ACAP2: variants seen among roughly 807,000 people sequenced by gnomAD.
ACAP2 encodes arf-GAP with coiled-coil, ANK repeat and PH domain-containing protein 2.
In ACAP2, 39 loss-of-function variants were observed where a neutral mutation model predicts 115.8. The ratio of observed to expected loss-of-function variants is 0.34; its 90% CI spans 0.26 to 0.44. The LOEUF is 0.44. Among genes scored for constraint, ACAP2 ranks in the 20% least tolerant of loss-of-function variants. The probability of loss-of-function intolerance (pLI) is 1.00; values close to 1 mark genes in which losing one functional copy is unlikely to be tolerated. For synonymous variants in ACAP2, 289 were observed against 315.8 expected (o/e 0.92, Z 0.90); for missense variants, 662 against 927.6 (o/e 0.71, Z 3.72).
chr3:195,436,976 A>G (rs563101330), intron 1 of ACAP2, among the ~76,000 whole-genome samples: 1 of 152,336 alleles, frequency 6.6e-6, no homozygotes, highest in South Asian at 2.1e-4. Context: ...TAGGCAATAA[A>G]CAAAAGCCAG....
intron 11 of ACAP2, among the ~76,000 whole-genome samples, chr3:195,308,192 G>A (rs150800077): frequency 4.1e-4 from 63 of 152,178 alleles, no homozygotes; most frequent in African/African-American, 1.4e-3. Context: ...TTTAATTAAT[G>A]TAATTTTTAA....
intron 13 of ACAP2, among the ~76,000 whole-genome samples, chr3:195,304,231 A>G (rs1728274143): frequency 6.6e-6 from 1 of 151,916 alleles, no homozygotes; most frequent in Admixed American, 6.6e-5. Context: ...CGAAATTTTA[A>G]GAAAGAAATA....
At chr3:195,293,605 G>A (rs1231565986) in intron 18 of ACAP2, among the ~76,000 whole-genome samples, 1 of 152,228 alleles carries the variant, frequency 6.6e-6, no homozygotes, top group Non-Finnish European at 1.5e-5. Flanking sequence ...ACTTTCGGAG[G>A]CTGAGAGAGG....
chr3:195,334,738 T>C (rs1730391346), intron 7 of ACAP2, among the ~76,000 whole-genome samples: 1 of 152,176 alleles, frequency 6.6e-6, no homozygotes, highest in Non-Finnish European at 1.5e-5. Context: ...GAAATATCCA[T>C]TTTCACACAA....
chr3:195,395,767 A>G (rs1711712855), intron 1 of ACAP2, among the ~76,000 whole-genome samples: 1 of 152,230 alleles, frequency 6.6e-6, no homozygotes, highest in Non-Finnish European at 1.5e-5. Flanking sequence ...ATCTTTTCTC[A>G]TATATGAAAT....
At chr3:195,438,946 A>C (rs1715792991) in intron 1 of ACAP2, among the ~76,000 whole-genome samples, 1 of 152,102 alleles carries the variant, frequency 6.6e-6, no homozygotes, top group Non-Finnish European at 1.5e-5. Flanking sequence ...CTATAATCCC[A>C]GTTACTCGGG....
chr3:195,279,353 AAAC>A lies in ACAP2; in HGVS notation c.2309_2311del (p.Arg770_Phe771delinsLeu). ...TCAGAATTTCTGTGAATCTTGCTGG[AAAC>A]GATTTAGTTTCTCTGGATTATTGGA... On this transcript the variant is annotated inframe_deletion, in exon 23 of 23. Transcript: ENST00000326793. 6.2e-7 allele frequency: 1 copy of A among 1,604,446 alleles called. No homozygotes were observed. Among genetic ancestry groups the A allele is most frequent in the Non-Finnish European group, 8.5e-7 (1 of 1,177,064 alleles).
chr3:195,281,482 T>C (rs1726509632), intron 22 of ACAP2, among the ~76,000 whole-genome samples: 1 of 152,214 alleles, frequency 6.6e-6, no homozygotes, highest in South Asian at 2.1e-4. Context: ...AAAGCAACTA[T>C]TAACATCTCT....
chr3:195,367,891 CA>C (rs1732840291), intron 4 of ACAP2, among the ~76,000 whole-genome samples: 1 of 152,224 alleles, frequency 6.6e-6, no homozygotes, highest in South Asian at 2.1e-4. Context: ...GCCACCCAGC[CA>C]GCACCAACTA....
At chr3:195,324,338 G>A (rs564441310) in intron 9 of ACAP2, among the ~76,000 whole-genome samples, 51 of 152,246 alleles carry the variant, frequency 3.3e-4, no homozygotes, top group Admixed American at 3.1e-3. Flanking sequence ...TATAACACAG[G>A]ATATACCACA....
At position 195,333,154 on chromosome 3, in the gene ACAP2, A is replaced by G. The variant is rs78662299; in HGVS notation, c.574-31T>C. 5.0e-4 allele frequency: 609 copies of G among 1,210,738 alleles called. 6 individuals are homozygous for G. The African/African-American group carries it at 8.2e-3, about 16-fold the overall frequency. The allele number at this position is 1,210,738 out of a possible 1,614,324, so 75.0% of individuals were successfully genotyped here. A position where few individuals can be genotyped will look rare whatever the true frequency, so the allele number is the denominator to read the frequency against. On this transcript the variant is annotated intron_variant, in intron 7 of 22. Coordinates refer to ENST00000326793, the MANE Select transcript of ACAP2 (RefSeq NM_012287.6). ...AGGGAAAAAAAGATGACCATTTTAA[A>G]ATCTATTCCTAGATAGACATTCTGA...
chr3:195,361,061 G>T (rs138139640), intron 4 of ACAP2, among the ~76,000 whole-genome samples: 1 of 150,086 alleles, frequency 6.7e-6, no homozygotes, highest in Non-Finnish European at 1.5e-5. Context: ...TGGAAATAAT[G>T]AGGAATTTTG....
chr3:195,365,326 C>A (rs764936277), intron 4 of ACAP2, among the ~76,000 whole-genome samples: 2 of 152,040 alleles, frequency 1.3e-5, no homozygotes, highest in Non-Finnish European at 2.9e-5. Flanking sequence ...GTTGGATACC[C>A]CATTTACTCT....
chr3:195,322,643 T>A (rs1729525495), intron 9 of ACAP2, among the ~76,000 whole-genome samples: 1 of 152,194 alleles, frequency 6.6e-6, no homozygotes, highest in Admixed American at 6.5e-5. Flanking sequence ...ATTTAAAATT[T>A]ATTTGACGCT....
intron 10 of ACAP2, among the ~76,000 whole-genome samples, chr3:195,315,113 T>C (rs183477016): frequency 4.6e-5 from 7 of 152,362 alleles, no homozygotes; most frequent in African/African-American, 1.4e-4. Flanking sequence ...TCTCTTGGTC[T>C]CAAGCGGTCT....
At chr3:195,333,695 C>T (rs1730321355) in intron 7 of ACAP2, among the ~76,000 whole-genome samples, 1 of 152,002 alleles carries the variant, frequency 6.6e-6, no homozygotes. Context: ...TCAAATAATC[C>T]AATTTTCAAT....
intron 15 of ACAP2, among the ~76,000 whole-genome samples, chr3:195,298,454 C>G (rs1727803339): frequency 6.6e-6 from 1 of 151,960 alleles, no homozygotes; most frequent in Admixed American, 6.6e-5. Flanking sequence ...CAGGGTTTCA[C>G]TATGTTGGCC....
intron 4 of ACAP2, among the ~76,000 whole-genome samples, chr3:195,376,400 T>C (rs1350428440): frequency 6.6e-6 from 1 of 151,564 alleles, no homozygotes; most frequent in Non-Finnish European, 1.5e-5. Flanking sequence ...AAAAGATATA[T>C]ATATATTGTG....
chr3:195,424,242 GTGGTGTGTGTGTGTGTGTGTATA>G (rs1250181433), intron 1 of ACAP2, among the ~76,000 whole-genome samples: 18 of 102,856 alleles, frequency 1.8e-4, no homozygotes, highest in African/African-American at 6.8e-4. Context: ...GTGTGTGTGT[GTGGTGTGTGTGTGTGTGTGTATA>G]TATATATATA....
Sources: gnomAD v4.1 joint callset for allele counts (sites outside exome capture counted in the v4.1 genomes callset) on GRCh38, gnomAD v4.1.1 for gene constraint, MANE v1.5 for transcripts, NCBI Gene and HGNC (gene_info 2026-07-23, HGNC 2026-07-21) for gene names.